Variants in VAV3 observed in about 807,000 individuals in gnomAD.
VAV3 encodes the protein guanine nucleotide exchange factor VAV3.
In VAV3, 94 loss-of-function variants were observed where a neutral mutation model predicts 131.2. The observed-to-expected ratio is 0.72, with a 90% CI of 0.61 to 0.85. The LOEUF (loss-of-function observed/expected upper bound fraction) is 0.85. Ranked by LOEUF, VAV3 falls within the 40% of genes least tolerant of loss-of-function variation. VAV3 has a pLI of 0.00. For synonymous variants in VAV3, 349 were observed against 342.0 expected, an observed-to-expected ratio of 1.02 and a Z score of -0.22; for missense variants, 939 against 1,002.7, an observed-to-expected ratio of 0.94 and a Z score of 0.86.
chr1:107,705,628 TTATTTTA>T (rs534119204), intron 15 of VAV3, among the ~76,000 whole-genome samples: 2 of 152,164 alleles, frequency 1.3e-5, no homozygotes, highest in Non-Finnish European at 2.9e-5. Flanking sequence ...ATTTTACCAT[TTATTTTA>T]TATTTTATTT....
intron 2 of VAV3, among the ~76,000 whole-genome samples, chr1:107,812,678 T>C (rs1667375142): frequency 6.6e-6 from 1 of 152,026 alleles, no homozygotes; most frequent in South Asian, 2.1e-4. Flanking sequence ...ACATCCAAGG[T>C]TTATTTCCCA....
Position 107,912,070 on chromosome 1 carries a change from T to TGTGC in VAV3, c.205-37057_205-37054dup, listed in dbSNP as rs1200761647. 7.9e-5 allele frequency among the ~76,000 whole-genome samples: 12 copies of TGTGC among 152,344 alleles called. No individual in the cohort carries two copies. In the East Asian group the frequency reaches 2.3e-3, roughly 29 times the overall value. The stretch of plus-strand genomic sequence containing the variant: ...TTTTGTTTGTTTGTTTGTGTGTGTG[T>TGTGC]GTGCGTGTTTACGTTAGTTTCCTAT... On this transcript the variant is annotated intron_variant, in intron 1 of 26. Coordinates refer to ENST00000370056, the MANE Select transcript of VAV3 (RefSeq NM_006113.5).
At chr1:107,860,410 G>A (rs984065567) in intron 2 of VAV3, among the ~76,000 whole-genome samples, 1 of 144,256 alleles carries the variant, frequency 6.9e-6, no homozygotes, top group Non-Finnish European at 1.6e-5. Flanking sequence ...TAAGTTCTTG[G>A]GCTTTTAATT....
chr1:107,901,375 C>G (rs1671850019), intron 1 of VAV3, among the ~76,000 whole-genome samples: 1 of 152,218 alleles, frequency 6.6e-6, no homozygotes, highest in African/African-American at 2.4e-5. Flanking sequence ...TATTCAGCAT[C>G]TGATACTGCA....
At chr1:107,636,535 C>A (rs2101452281) in intron 20 of VAV3, among the ~76,000 whole-genome samples, 1 of 152,212 alleles carries the variant, frequency 6.6e-6, no homozygotes, top group East Asian at 1.9e-4. Context: ...GCCTAGCCTA[C>A]CTTAAACATG....
intron 2 of VAV3, among the ~76,000 whole-genome samples, chr1:107,798,479 G>A (rs1666659379): frequency 6.6e-6 from 1 of 151,934 alleles, no homozygotes; most frequent in South Asian, 2.1e-4. Context: ...AGCACTTTGG[G>A]AGGCTGAGGT....
intron 15 of VAV3, among the ~76,000 whole-genome samples, chr1:107,732,259 A>G (rs1239965272): frequency 6.6e-6 from 1 of 152,218 alleles, no homozygotes; most frequent in Non-Finnish European, 1.5e-5. Flanking sequence ...AGATGACCGA[A>G]TAGGAACAGC....
At chr1:107,917,183 C>T (rs917476213) in intron 1 of VAV3, among the ~76,000 whole-genome samples, 1 of 152,046 alleles carries the variant, frequency 6.6e-6, no homozygotes, top group African/African-American at 2.4e-5. Flanking sequence ...GCTGCAAGAA[C>T]CCACGCAAGA....
chr1:107,834,913 G>T (rs761993810), intron 2 of VAV3, among the ~76,000 whole-genome samples: 2 of 152,080 alleles, frequency 1.3e-5, no homozygotes, highest in Non-Finnish European at 2.9e-5. Flanking sequence ...GAGATCCCAT[G>T]ACCCCCACAG....
intron 21 of VAV3, among the ~76,000 whole-genome samples, chr1:107,611,973 CT>C (rs1652769514): frequency 6.6e-6 from 1 of 151,972 alleles, no homozygotes; most frequent in Non-Finnish European, 1.5e-5. Context: ...AGTTAATTTC[CT>C]TTTGGGAACT....
intron 19 of VAV3, chr1:107,669,525 C>T (rs1027299914): frequency 7.9e-7 from 1 of 1,269,684 alleles, no homozygotes; most frequent in Non-Finnish European, 1.0e-6. Flanking sequence ...CTGAAAATTT[C>T]ACCATGGATC....
chr1:107,783,003 C>T (rs903003757), intron 2 of VAV3, among the ~76,000 whole-genome samples: 13 of 152,170 alleles, frequency 8.5e-5, no homozygotes, highest in African/African-American at 3.1e-4. Flanking sequence ...GGTCAATAGG[C>T]CAACAATCAA....
At chr1:107,853,425 A>G (rs1669318694) in intron 2 of VAV3, among the ~76,000 whole-genome samples, 1 of 152,134 alleles carries the variant, frequency 6.6e-6, no homozygotes, top group Non-Finnish European at 1.5e-5. Flanking sequence ...CATAAATAAT[A>G]TGTGTTTTGT....
intron 25 of VAV3, among the ~76,000 whole-genome samples, chr1:107,583,362 C>T (rs1056322684): frequency 1.3e-5 from 2 of 152,082 alleles, no homozygotes; most frequent in African/African-American, 4.8e-5. Flanking sequence ...ACAAGGATGC[C>T]CTCTCTCACC....
At chr1:107,597,826 T>C (rs550149239) in intron 24 of VAV3, among the ~76,000 whole-genome samples, 1 of 152,266 alleles carries the variant, frequency 6.6e-6, no homozygotes, top group Non-Finnish European at 1.5e-5. Context: ...ATAAAGTACC[T>C]AATACATGTG....
At chr1:107,878,087 T>C (rs1670591989) in intron 1 of VAV3, among the ~76,000 whole-genome samples, 1 of 152,234 alleles carries the variant, frequency 6.6e-6, no homozygotes, top group Non-Finnish European at 1.5e-5. Context: ...ACAATGAACA[T>C]TCCATCTACA....
At chr1:107,940,681 A>T (rs1336235913) in intron 1 of VAV3, among the ~76,000 whole-genome samples, 1 of 152,230 alleles carries the variant, frequency 6.6e-6, no homozygotes, top group Non-Finnish European at 1.5e-5. Flanking sequence ...AGGCTACAAC[A>T]TGGATAAACC....
intron 1 of VAV3, among the ~76,000 whole-genome samples, chr1:107,887,258 T>C (rs1046482611): frequency 2.0e-5 from 3 of 152,226 alleles, no homozygotes; most frequent in Non-Finnish European, 4.4e-5. Flanking sequence ...CTCCAGGAAG[T>C]CAGCTTTGAT....
Position 107,748,948 on chromosome 1 carries a change from T to G in VAV3, c.1502+20A>C, listed in dbSNP as rs1368638162. The stretch of plus-strand genomic sequence containing the variant: ...TTAACTAGTAAAAATAAAAGCACTT[T>G]TAAAAATAGAAATACTCACAAAGCC... On this transcript the variant is annotated intron_variant, in intron 15 of 26. Transcript: ENST00000370056. The G allele has an allele frequency of 2.0e-6, 3 of 1,534,590 alleles. No homozygotes were observed. Among genetic ancestry groups the G allele is most frequent in the Non-Finnish European group, 2.7e-6 (3 of 1,125,660 alleles).
Sources: gnomAD v4.1 joint callset for allele counts (sites outside exome capture counted in the v4.1 genomes callset) on GRCh38, gnomAD v4.1.1 for gene constraint, MANE v1.5 for transcripts, NCBI Gene and HGNC (gene_info 2026-07-23, HGNC 2026-07-21) for gene names.